Variants in SLC35B4 observed in about 807,000 individuals in gnomAD.
The protein encoded by SLC35B4 is nucleotide sugar transporter SLC35B4.
In SLC35B4, 28 loss-of-function variants were observed where a neutral mutation model predicts 39.5. The ratio of observed to expected loss-of-function variants is 0.71; its 90% CI spans 0.53 to 0.97. The LOEUF (loss-of-function observed/expected upper bound fraction) is 0.97. Ranked by LOEUF, SLC35B4 falls within the 50% of genes least tolerant of loss-of-function variation. The pLI is 0.00. For synonymous variants in SLC35B4, 145 were observed against 150.4 expected, an observed-to-expected ratio of 0.96 and a Z score of 0.26; for missense variants, 334 against 414.3, an observed-to-expected ratio of 0.81 and a Z score of 1.68.
intron 5 of SLC35B4, 87 bp from the exon 6 acceptor site, chr7:134,301,908 T>G: frequency 6.7e-7 from 1 of 1,493,798 alleles, no homozygotes. Context: ...TGTTACCCAT[T>G]TCCCTCCCCT....
intron 1 of SLC35B4, among the ~76,000 whole-genome samples, chr7:134,315,092 AAACTTCT>A (rs1345657882): frequency 3.3e-5 from 5 of 152,198 alleles, no homozygotes; most frequent in African/African-American, 4.8e-5. Context: ...CAAATAAAAT[AAACTTCT>A]AGTAGGCACC....
rs1204739633 is a variant in SLC35B4 at position 134,293,045 on chromosome 7, C to G, written c.*1788G>C. The G allele has an allele frequency of 6.6e-6, 1 of 152,164 alleles. No homozygotes were observed. Among genetic ancestry groups the G allele is most frequent in the Non-Finnish European group, 1.5e-5 (1 of 68,042 alleles). The allele number at this position is 152,164 out of a possible 1,614,324, so 9.4% of individuals were successfully genotyped here. A position where few individuals can be genotyped will look rare whatever the true frequency, so the allele number is the denominator to read the frequency against. ...AAATCCATCAGAGAATAGCTCTGGA[C>G]AGTGGAATAAACATACCACACCATG... is the stretch of plus-strand genomic sequence containing the variant. On this transcript the variant is annotated 3_prime_UTR_variant, in exon 10 of 10. Coordinates refer to ENST00000378509, the MANE Select transcript of SLC35B4 (RefSeq NM_032826.5).
rs1803325811 is a variant in SLC35B4 at position 134,291,335 on chromosome 7, G to A, written c.*3498C>T. On this transcript the variant is annotated 3_prime_UTR_variant, in exon 10 of 10. Coordinates refer to ENST00000378509, the MANE Select transcript of SLC35B4 (RefSeq NM_032826.5). ...TGTATAACAAAATACACGCTGTGCAGATATAAATACTCTGTAAAAATCCAC... is the reference window on the plus strand; with the variant it reads ...TGTATAACAAAATACACGCTGTGCAAATATAAATACTCTGTAAAAATCCAC... The A allele has an allele frequency of 6.6e-6, 1 of 152,114 alleles. No homozygotes were observed. Among genetic ancestry groups the A allele is most frequent in the South Asian group, 2.1e-4 (1 of 4,818 alleles). The allele number at this position is 152,114 out of a possible 1,614,324, so 9.4% of individuals were successfully genotyped here.
At chr7:134,311,093 T>C (rs932115852) in intron 1 of SLC35B4, among the ~76,000 whole-genome samples, 1 of 152,238 alleles carries the variant, frequency 6.6e-6, no homozygotes, top group Non-Finnish European at 1.5e-5. Flanking sequence ...GAAATGTTGC[T>C]ACTCTTTAAG....
rs184751702 is a variant in SLC35B4, at chr7:134,306,610, C to T, written c.294+62G>A. On this transcript the variant is annotated intron_variant, in intron 3 of 9. Transcript: ENST00000378509. ...GAACCTTCTAGTTCTGCCATATATT[C>T]AATCGATCTACTTAACTATACTTTT... The T allele has an allele frequency of 2.1e-5, 29 of 1,369,032 alleles. 1 individual carries two copies. Among genetic ancestry groups the T allele is most frequent in the Admixed American group, 1.5e-4 (8 of 52,422 alleles). The allele number at this position is 1,369,032 out of a possible 1,614,324, so 84.8% of individuals were successfully genotyped here.
intron 3 of SLC35B4, among the ~76,000 whole-genome samples, chr7:134,305,389 G>T (rs961117926): frequency 6.6e-6 from 1 of 151,468 alleles, no homozygotes; most frequent in African/African-American, 2.4e-5. Flanking sequence ...AGAATAAAAA[G>T]GATCAATTCT....
At position 134,302,047 on chromosome 7, in the gene SLC35B4, A is replaced by G; in HGVS notation, c.408T>C (p.Phe136=). ...LVSVGIFICT[F]MSAKQVTSQS... ...TTCTTACCACCTGCTTTGCTGACAT[A>G]AAAGTGCAAATAAATATCCCCACAG... The change falls in exon 5 of 10, where the codon TTT becomes TTC. Residue 136 remains phenylalanine (F), a synonymous_variant. Coordinates refer to ENST00000378509, the MANE Select transcript of SLC35B4 (RefSeq NM_032826.5). 1 of 1,614,048 alleles carries G rather than the reference A, an allele frequency of 6.2e-7. No individual in the cohort carries two copies. The highest frequency in any genetic ancestry group is 1.1e-5 in the South Asian group (1 of 91,022).
rs763539407 is a variant in SLC35B4, at chr7:134,294,887, C to T, written c.942G>A (p.Trp314Ter). 1.9e-6 allele frequency: 3 copies of T among 1,614,144 alleles called. No individual in the cohort carries two copies. The highest frequency in any genetic ancestry group is 1.7e-5 in the Admixed American group (1 of 60,014). Residue 314 changes from tryptophan (W) to a stop codon, truncating the protein, a stop_gained, in exon 10 of 10, where the codon TGG becomes TGA. Transcript: ENST00000378509. LOFTEE classifies it high-confidence loss of function. ...FIGTLMYTEV[W>*]NNLGTTKSEP... ...CACTTTTTGTGGTCCCTAGGTTGTT[C>T]CACACCTCTGTGTACATTAAGGTCC...
chr7:134,303,994 C>A (rs1362707256), intron 4 of SLC35B4, among the ~76,000 whole-genome samples: 1 of 152,092 alleles, frequency 6.6e-6, no homozygotes, highest in African/African-American at 2.4e-5. Context: ...CTATTTGGGC[C>A]TTTTTAGGAA....
At chr7:134,316,593 G>C in intron 1 of SLC35B4, 82 bp downstream of exon 1, 2 of 1,423,616 alleles carry the variant, frequency 1.4e-6, no homozygotes, top group South Asian at 2.5e-5. Flanking sequence ...GACAGGGCGT[G>C]GGCGCGTCCC....
intron 1 of SLC35B4, 134 bp downstream of exon 1, chr7:134,316,541 C>T: frequency 2.3e-6 from 2 of 873,972 alleles, no homozygotes; most frequent in Non-Finnish European, 1.7e-6. Context: ...TGCTGGGGGG[C>T]TCAGGCCGTC....
At chr7:134,312,106 A>C (rs1311735051) in intron 1 of SLC35B4, among the ~76,000 whole-genome samples, 1 of 152,180 alleles carries the variant, frequency 6.6e-6, no homozygotes, top group Admixed American at 6.6e-5. Flanking sequence ...AGCGCCTGCC[A>C]CAGAGTGAAA....
At chr7:134,306,836 G>C in intron 2 of SLC35B4, 62 bp from the exon 3 acceptor site, 1 of 1,407,128 alleles carries the variant, frequency 7.1e-7, no homozygotes, top group Admixed American at 2.0e-5. Flanking sequence ...ATCAAGTATA[G>C]GAAATATATA....
intron 4 of SLC35B4, among the ~76,000 whole-genome samples, chr7:134,304,547 G>C (rs1803663407): frequency 6.6e-6 from 1 of 152,194 alleles, no homozygotes; most frequent in African/African-American, 2.4e-5. Context: ...GGCTTCGCAG[G>C]TTAGTATGAC....
intron 1 of SLC35B4, 105 bp downstream of exon 1, chr7:134,316,570 G>C (rs866542788): frequency 2.5e-6 from 3 of 1,215,092 alleles, no homozygotes; most frequent in Admixed American, 2.2e-5. Context: ...GGCTCCGTGG[G>C]CGGCGGGGTG....
Position 134,300,317 on chromosome 7 carries a change from T to C in SLC35B4, c.488-56A>G, listed in dbSNP as rs1335641554. 7.1e-6 allele frequency: 9 copies of C among 1,265,508 alleles called. No homozygotes were observed. In the Admixed American group the frequency reaches 8.7e-5, roughly 12 times the overall value. The allele number at this position is 1,265,508 out of a possible 1,614,324, so 78.4% of individuals were successfully genotyped here. A position where few individuals can be genotyped will look rare whatever the true frequency, so the allele number is the denominator to read the frequency against. On this transcript the variant is annotated intron_variant, in intron 6 of 9. Transcript: ENST00000378509. ...CTGCATTTGTTCATTTCCAGATGTT[T>C]TTCTTGAAGAACATTATTGTTTAAA... is the stretch of plus-strand genomic sequence containing the variant.
chr7:134,300,115 G>T, intron 7 of SLC35B4, 37 bp downstream of exon 7: 1 of 1,402,710 alleles, frequency 7.1e-7, no homozygotes. Flanking sequence ...TTACAACTTA[G>T]GAATTTTCAC....
rs1216070941 is a variant in SLC35B4, at chr7:134,294,425, G to A, written c.*408C>T. Reference sequence around the variant, plus strand: ...AAGGAAAAGGTGATGGGAGACAAAAGGGATAAGGTCACAGGATGACAATGA... The same window carrying A: ...AAGGAAAAGGTGATGGGAGACAAAAAGGATAAGGTCACAGGATGACAATGA... On this transcript the variant is annotated 3_prime_UTR_variant, in exon 10 of 10. Coordinates refer to ENST00000378509, the MANE Select transcript of SLC35B4 (RefSeq NM_032826.5). 6.0e-6 allele frequency: 1 copy of A among 167,816 alleles called. No homozygotes were observed. Among genetic ancestry groups the A allele is most frequent in the Admixed American group, 5.6e-5 (1 of 17,808 alleles). The allele number at this position is 167,816 out of a possible 1,614,324, so 10.4% of individuals were successfully genotyped here. A position where few individuals can be genotyped will look rare whatever the true frequency, so the allele number is the denominator to read the frequency against.
chr7:134,316,188 CAA>C (rs1375056367), intron 1 of SLC35B4, among the ~76,000 whole-genome samples: 1 of 152,174 alleles, frequency 6.6e-6, no homozygotes, highest in African/African-American at 2.4e-5. Context: ...GCAGTATGTA[CAA>C]AGTCAGACTG....
Sources: gnomAD v4.1 joint callset for allele counts (sites outside exome capture counted in the v4.1 genomes callset) on GRCh38, gnomAD v4.1.1 for gene constraint, MANE v1.5 for transcripts, NCBI Gene and HGNC (gene_info 2026-07-23, HGNC 2026-07-21) for gene names.